Variants in EYA1 observed in about 807,000 individuals in gnomAD.
EYA1 encodes protein phosphatase EYA1.
In EYA1, 16 loss-of-function variants were observed where a neutral mutation model predicts 82.0. That is an observed-to-expected ratio of 0.20 (90% confidence interval 0.13 to 0.30). The LOEUF is 0.30. EYA1 is among the 10% of genes least tolerant of loss of function. The pLI, the probability that EYA1 is intolerant of heterozygous loss-of-function variation, is 1.00. For synonymous variants in EYA1, 261 were observed against 264.4 expected, an observed-to-expected ratio of 0.99 and a Z score of 0.12; for missense variants, 633 against 730.7, an observed-to-expected ratio of 0.87 and a Z score of 1.54.
chr8:71,365,275 C>T (rs559058798), upstream of EYA1, among the ~76,000 whole-genome samples: 39 of 151,952 alleles, frequency 2.6e-4, no homozygotes, highest in African/African-American at 9.4e-4. Flanking sequence ...GTGAAGTTGT[C>T]AATAAATGAT....
At chr8:71,491,593 A>G (rs1811001229) in intron 2 of EYA1, among the ~76,000 whole-genome samples, 1 of 152,248 alleles carries the variant, frequency 6.6e-6, no homozygotes, top group Admixed American at 6.5e-5. Flanking sequence ...ATGTGAAGAC[A>G]CAAGGAGAGG....
rs183748333 is a variant in EYA1, at chr8:71,501,192, T to G, written c.33+34552A>C. On this transcript the variant is annotated intron_variant, in intron 2 of 18. Coordinates refer to the EYA1 transcript ENST00000643681. ...GGTATATTAAATTTGGGTGGTGGGA[T>G]AGAAGAAAGAGACTAGTCCAGAATA... 7.9e-5 allele frequency among the ~76,000 whole-genome samples: 12 copies of G among 152,288 alleles called. No individual in the cohort carries two copies. The East Asian group carries it at 2.3e-3, about 29-fold the overall frequency.
intron 7 of EYA1, among the ~76,000 whole-genome samples, chr8:71,309,362 CAAA>C (rs3086592): frequency 0.46 from 67,174 of 146,490 alleles, 15,298 homozygotes; most frequent in African/African-American, 0.55. Flanking sequence ...TCAATTTAAG[CAAA>C]AAAAAAAAAA....
At chr8:71,331,924 T>G (rs1823924882) in intron 4 of EYA1, among the ~76,000 whole-genome samples, 1 of 152,194 alleles carries the variant, frequency 6.6e-6, no homozygotes. Context: ...CATAGCTCAC[T>G]GCAACCTTGA....
At chr8:71,506,658 T>C (rs1812216913) in intron 2 of EYA1, among the ~76,000 whole-genome samples, 1 of 152,174 alleles carries the variant, frequency 6.6e-6, no homozygotes, top group Non-Finnish European at 1.5e-5. Context: ...AATTTAAGTA[T>C]TTTGTGTAAA....
chr8:71,336,910 TA>T (rs1563491050), intron 3 of EYA1, among the ~76,000 whole-genome samples: 1 of 152,216 alleles, frequency 6.6e-6, no homozygotes, highest in Non-Finnish European at 1.5e-5. Context: ...TGATTTATTG[TA>T]ATGTAAAATA....
intron 2 of EYA1, among the ~76,000 whole-genome samples, chr8:71,369,135 G>A (rs184215703): frequency 5.3e-5 from 8 of 150,538 alleles, no homozygotes; most frequent in East Asian, 1.9e-4. Context: ...CCTGGGAGGC[G>A]GAGGTTGCAG....
intron 9 of EYA1, among the ~76,000 whole-genome samples, chr8:71,285,366 C>T (rs1429375144): frequency 6.6e-6 from 1 of 152,100 alleles, no homozygotes; most frequent in Non-Finnish European, 1.5e-5. Context: ...CCAAGCAAAT[C>T]CTGTAATTCT....
At chr8:71,374,644 G>C (rs528795826) in intron 2 of EYA1, among the ~76,000 whole-genome samples, 2 of 152,162 alleles carry the variant, frequency 1.3e-5, no homozygotes, top group Non-Finnish European at 1.5e-5. Flanking sequence ...CAATCCCTTT[G>C]CTGGGTATAC....
At chr8:71,263,663 C>T (rs1586067745) in intron 11 of EYA1, among the ~76,000 whole-genome samples, 1 of 152,212 alleles carries the variant, frequency 6.6e-6, no homozygotes, top group Admixed American at 6.5e-5. Context: ...GCATCACCTA[C>T]AGCAGAGGCA....
rs181961366 is a variant in EYA1 at position 71,359,357 on chromosome 8, T to C, written c.-55+2290A>G. Among the ~76,000 whole-genome samples, 28 of 152,330 alleles carry C rather than the reference T, an allele frequency of 1.8e-4. 1 individual carries two copies. The highest frequency in any genetic ancestry group is 7.8e-4 in the Admixed American group (12 of 15,306). On this transcript the variant is annotated intron_variant, in intron 1 of 17. Transcript: ENST00000340726. Reference sequence around the variant, plus strand: ...ATCCATTGAATAGCCACATTAAATCTGTTAATACCATGCTCTTCAACCCCA... The same window carrying C: ...ATCCATTGAATAGCCACATTAAATCCGTTAATACCATGCTCTTCAACCCCA...
At chr8:71,430,057 G>A (rs1319739331) in intron 2 of EYA1, among the ~76,000 whole-genome samples, 2 of 152,166 alleles carry the variant, frequency 1.3e-5, no homozygotes, top group African/African-American at 4.8e-5. Context: ...GCAAGGCTTT[G>A]TTAGTATAGC....
At chr8:71,398,318 C>A (rs1829750320) in intron 2 of EYA1, among the ~76,000 whole-genome samples, 2 of 152,178 alleles carry the variant, frequency 1.3e-5, no homozygotes, top group African/African-American at 2.4e-5. Context: ...ATTCTCTGTC[C>A]AGCTTTGTTC....
chr8:71,234,704 C>T (rs1165231179), intron 12 of EYA1, among the ~76,000 whole-genome samples: 1 of 151,868 alleles, frequency 6.6e-6, no homozygotes, highest in Non-Finnish European at 1.5e-5. Context: ...CAATCTTAGG[C>T]CCCCTTCTCA....
chr8:71,271,195 G>T (rs1250236185), intron 10 of EYA1, among the ~76,000 whole-genome samples: 2 of 152,190 alleles, frequency 1.3e-5, no homozygotes, highest in Non-Finnish European at 2.9e-5. Context: ...GGGTACATGA[G>T]ATGTTTTGAT....
At chr8:71,298,166 A>G (rs903075561) in intron 9 of EYA1, among the ~76,000 whole-genome samples, 2 of 152,220 alleles carry the variant, frequency 1.3e-5, no homozygotes, top group African/African-American at 2.4e-5. Flanking sequence ...AATGCATACT[A>G]TGATTATAAT....
At chr8:71,223,271 G>T (rs1810159872) in intron 12 of EYA1, among the ~76,000 whole-genome samples, 1 of 152,162 alleles carries the variant, frequency 6.6e-6, no homozygotes, top group South Asian at 2.1e-4. Flanking sequence ...CCAGTCAGAG[G>T]TGCGGTGTTG....
intron 17 of EYA1, 99 bp from the exon 18 acceptor site, chr8:71,199,519 T>TATC (rs1335695893): frequency 3.9e-6 from 3 of 759,640 alleles, no homozygotes; most frequent in Non-Finnish European, 6.9e-6. Context: ...CCATTTTCAG[T>TATC]ATCATTGAAA....
At chr8:71,286,684 C>T (rs996077254) in intron 9 of EYA1, among the ~76,000 whole-genome samples, 4 of 151,950 alleles carry the variant, frequency 2.6e-5, no homozygotes, top group African/African-American at 7.3e-5. Context: ...TGAAAGAAGG[C>T]CAATGATATT....
Sources: gnomAD v4.1 joint callset for allele counts (sites outside exome capture counted in the v4.1 genomes callset) on GRCh38, gnomAD v4.1.1 for gene constraint, MANE v1.5 for transcripts, NCBI Gene and HGNC (gene_info 2026-07-23, HGNC 2026-07-21) for gene names.